Variants in HIBADH observed in about 807,000 individuals in gnomAD.
HIBADH encodes 3-hydroxyisobutyrate dehydrogenase, also known as 3-hydroxyisobutyrate dehydrogenase, mitochondrial.
HIBADH carries 25 observed loss-of-function variants against 36.1 expected under a neutral mutation model. The observed-to-expected ratio is 0.69, with a 90% CI of 0.50 to 0.97. The LOEUF is 0.97. Among genes scored for constraint, HIBADH ranks in the 50% least tolerant of loss-of-function variants. The pLI, the probability that HIBADH is intolerant of heterozygous loss-of-function variation, is 0.00. For missense variants in HIBADH, 421 were observed against 418.0 expected (o/e 1.01, Z -0.06); for synonymous variants, 160 against 149.5 (o/e 1.07, Z -0.51).
intron 6 of HIBADH, among the ~76,000 whole-genome samples, chr7:27,535,159 T>C (rs1451386954): frequency 6.6e-6 from 1 of 151,740 alleles, no homozygotes; most frequent in Non-Finnish European, 1.5e-5. Flanking sequence ...GATCTGTTCC[T>C]GTGACACAAA....
intron 2 of HIBADH, among the ~76,000 whole-genome samples, chr7:27,640,824 T>TAAATGTACAGTTCAACATTA (rs1785947673): frequency 6.6e-6 from 1 of 152,192 alleles, no homozygotes; most frequent in Non-Finnish European, 1.5e-5. Context: ...AACTGTAACA[T>TAAATGTACAGTTCAACATTA]AATGTAAGAA....
intron 2 of HIBADH, among the ~76,000 whole-genome samples, chr7:27,643,637 A>G (rs1019538236): frequency 4.6e-5 from 7 of 152,234 alleles, no homozygotes; most frequent in Non-Finnish European, 8.8e-5. Context: ...TTGCTACATT[A>G]GTTTTCCACA....
intron 2 of HIBADH, 81 bp from the exon 3 acceptor site, chr7:27,632,526 T>C (rs1785764930): frequency 1.2e-6 from 1 of 832,824 alleles, no homozygotes; most frequent in Non-Finnish European, 2.0e-6. Context: ...CCACTTTTCA[T>C]GCATGCCTAT....
At chr7:27,538,635 A>T (rs1401550191) in intron 5 of HIBADH, among the ~76,000 whole-genome samples, 1 of 152,086 alleles carries the variant, frequency 6.6e-6, no homozygotes, top group East Asian at 1.9e-4. Context: ...CTAGGTAATA[A>T]ATTTGCCTAT....
intron 4 of HIBADH, among the ~76,000 whole-genome samples, chr7:27,546,234 C>T (rs988538301): frequency 6.6e-6 from 1 of 152,112 alleles, no homozygotes; most frequent in Non-Finnish European, 1.5e-5. Context: ...TTTCGAGTAG[C>T]TCGGACTACA....
At chr7:27,661,093 G>A (rs1184142829) in intron 1 of HIBADH, among the ~76,000 whole-genome samples, 1 of 152,140 alleles carries the variant, frequency 6.6e-6, no homozygotes, top group Non-Finnish European at 1.5e-5. Flanking sequence ...CTCAAAAGTC[G>A]GAAGCATTTT....
chr7:27,597,234 T>A (rs959549021), intron 4 of HIBADH, among the ~76,000 whole-genome samples: 1 of 152,090 alleles, frequency 6.6e-6, no homozygotes, highest in Non-Finnish European at 1.5e-5. Context: ...GACAGAAACA[T>A]ATGCACTATA....
At chr7:27,660,665 AAAAAAAAAAATTTTTTTCAAG>A (rs1786398946) in intron 1 of HIBADH, among the ~76,000 whole-genome samples, 1 of 95,612 alleles carries the variant, frequency 1.0e-5, no homozygotes, top group Non-Finnish European at 2.0e-5. Context: ...ACTCCGAGGG[AAAAAAAAAAATTTTTTTCAAG>A]AGAAAAAAAA....
chr7:27,582,466 T>C (rs923994833), intron 4 of HIBADH, among the ~76,000 whole-genome samples: 5 of 152,160 alleles, frequency 3.3e-5, no homozygotes, highest in African/African-American at 1.2e-4. Context: ...AAGTAAGGGA[T>C]TGTGGGACTA....
At chr7:27,608,438 A>C (rs1785268751) in intron 4 of HIBADH, among the ~76,000 whole-genome samples, 1 of 152,248 alleles carries the variant, frequency 6.6e-6, no homozygotes, top group African/African-American at 2.4e-5. Flanking sequence ...AATACATAGA[A>C]AGACAGACTT....
chr7:27,539,697 A>T (rs1288034987), intron 5 of HIBADH, among the ~76,000 whole-genome samples: 1 of 152,190 alleles, frequency 6.6e-6, no homozygotes, highest in East Asian at 1.9e-4. Context: ...GCCAACCCCC[A>T]GTGCAGTCAA....
intron 4 of HIBADH, among the ~76,000 whole-genome samples, chr7:27,572,059 GTTGGC>G (rs1455145687): frequency 6.6e-6 from 1 of 152,160 alleles, no homozygotes; most frequent in Non-Finnish European, 1.5e-5. Context: ...GGGCCTAAGG[GTTGGC>G]TTTCTCACTT....
At chr7:27,574,610 A>C (rs934353064) in intron 4 of HIBADH, among the ~76,000 whole-genome samples, 2 of 152,152 alleles carry the variant, frequency 1.3e-5, no homozygotes, top group African/African-American at 4.8e-5. Flanking sequence ...TTGCTGCTCT[A>C]ATAGAGAAAA....
In HIBADH at chr7:27,526,178, T is replaced by C. The variant is rs753906215; in HGVS notation, c.*36A>G. On this transcript the variant is annotated 3_prime_UTR_variant, in exon 8 of 8. Coordinates refer to ENST00000265395, the MANE Select transcript of HIBADH (RefSeq NM_152740.4). ...CTAAAAGGAGGCTCCAAGACAGAGT[T>C]TGGTTCCCAACAGTGTCCGTGGCCA... 2 of 1,550,334 alleles carry C rather than the reference T, an allele frequency of 1.3e-6. No homozygotes were observed. Among genetic ancestry groups the C allele is most frequent in the South Asian group, 1.3e-5 (1 of 79,562 alleles).
intron 4 of HIBADH, among the ~76,000 whole-genome samples, chr7:27,613,162 TATATTTATATAAATATA>T (rs1186682860): frequency 5.7e-4 from 5 of 8,788 alleles, no homozygotes; most frequent in Admixed American, 1.3e-3. Context: ...TATAAATATA[TATATTTATATAAATATA>T]TTTATATAAA....
Position 27,629,410 on chromosome 7 carries a change from T to G in HIBADH, c.445A>C (p.Lys149Gln). The G allele has an allele frequency of 6.2e-7, 1 of 1,612,278 alleles. No homozygotes were observed. The highest frequency in any genetic ancestry group is 1.3e-5 in the African/African-American group (1 of 74,992). ...GCATCCATGAAAACTGCTCCCATTTTCTCAACTTCTTTGGCCAATTCTTTT... is the reference window on the plus strand; with the variant it reads ...GCATCCATGAAAACTGCTCCCATTTGCTCAACTTCTTTGGCCAATTCTTTT... ...VSKELAKEVE[K>Q]MGAVFMDAPV... Residue 149 changes from lysine to glutamine, a missense_variant, in exon 4 of 8, where the codon AAA becomes CAA. Coordinates refer to ENST00000265395, the MANE Select transcript of HIBADH (RefSeq NM_152740.4).
Position 27,617,979 on chromosome 7 carries a change from T to C in HIBADH, c.484+11392A>G, listed in dbSNP as rs113981034. ...GTGCAGTGCGCTGAAAGGCAGTACC[T>C]GGGACAAAGGAAACTGAAGCACACT... On this transcript the variant is annotated intron_variant, in intron 4 of 7. Coordinates refer to ENST00000265395, the MANE Select transcript of HIBADH (RefSeq NM_152740.4). 8.5e-5 allele frequency among the ~76,000 whole-genome samples: 13 copies of C among 152,324 alleles called. 1 individual carries two copies. Among genetic ancestry groups the C allele is most frequent in the African/African-American group, 3.1e-4 (13 of 41,578 alleles).
chr7:27,533,307 A>G (rs1784028300), intron 6 of HIBADH, among the ~76,000 whole-genome samples: 1 of 152,124 alleles, frequency 6.6e-6, no homozygotes, highest in Non-Finnish European at 1.5e-5. Flanking sequence ...ACTGGTATTG[A>G]TTGATGGAAA....
chr7:27,605,586 C>CAAAAAAAAAA (rs70994666), intron 4 of HIBADH, among the ~76,000 whole-genome samples: 3 of 33,600 alleles, frequency 8.9e-5, no homozygotes, highest in Admixed American at 6.1e-4. Flanking sequence ...TTTAGACAAG[C>CAAAAAAAAAA]AAAAAAAAAA....
Sources: gnomAD v4.1 joint callset for allele counts (sites outside exome capture counted in the v4.1 genomes callset) on GRCh38, gnomAD v4.1.1 for gene constraint, MANE v1.5 for transcripts, NCBI Gene and HGNC (gene_info 2026-07-23, HGNC 2026-07-21) for gene names.